FILIP1L: variants seen among roughly 807,000 people sequenced by gnomAD.
FILIP1L encodes the protein filamin A interacting protein 1 like, also known as filamin A-interacting protein 1-like.
A neutral mutation model predicts 96.6 loss-of-function variants in FILIP1L; 55 were observed. The observed-to-expected ratio is 0.57, with a 90% CI of 0.46 to 0.71. FILIP1L has a LOEUF of 0.71. Ranked by LOEUF, FILIP1L falls within the 30% of genes least tolerant of loss-of-function variation. FILIP1L has a pLI of 0.00. For synonymous variants in FILIP1L, 467 were observed against 473.9 expected, an observed-to-expected ratio of 0.99 and a Z score of 0.19; for missense variants, 1,304 against 1,321.2, an observed-to-expected ratio of 0.99 and a Z score of 0.20.
chr3:99,956,910 C>T lies in FILIP1L; in HGVS notation c.-10-25880G>A, dbSNP rs778168136. On this transcript the variant is annotated intron_variant, in intron 1 of 5. Transcript: ENST00000477258. The stretch of plus-strand genomic sequence containing the variant: ...CCCCGACTTACAGTCCAGCTTCTGC[C>T]CTCACCAATGGCTTCCTAATTTCCA... Among the ~76,000 whole-genome samples, 49 of 152,096 alleles carry T rather than the reference C, an allele frequency of 3.2e-4. 1 individual carries two copies. The highest frequency in any genetic ancestry group is 1.2e-3 in the Admixed American group (18 of 15,270).
rs118001102 is a variant in FILIP1L at position 100,097,246 on chromosome 3, A to G, written c.-11+16807T>C. On this transcript the variant is annotated intron_variant, in intron 1 of 5. Transcript: ENST00000477258. ...CAGTTTCATCCCCAAACCACCAACC[A>G]TCCCATCCGTGGAAAAATTGTCTTC... 5.1e-4 allele frequency among the ~76,000 whole-genome samples: 78 copies of G among 152,318 alleles called. 2 individuals are homozygous for G. In the East Asian group the frequency reaches 0.015, roughly 29 times the overall value.
intron 1 of FILIP1L, among the ~76,000 whole-genome samples, chr3:99,994,078 G>A: frequency 6.6e-6 from 1 of 152,172 alleles, no homozygotes; most frequent in Non-Finnish European, 1.5e-5. Flanking sequence ...GAATTCAGCT[G>A]TGAATCCATT....
intron 5 of FILIP1L, among the ~76,000 whole-genome samples, chr3:99,832,231 CTTTT>C (rs577849748): frequency 2.9e-5 from 4 of 138,146 alleles, no homozygotes; most frequent in East Asian, 2.1e-4. Flanking sequence ...ATTCCTAAAT[CTTTT>C]TTTTTTTTTT....
Position 100,056,776 on chromosome 3 carries a change from G to A in FILIP1L, c.-11+57277C>T, listed in dbSNP as rs180944981. 4.1e-3 allele frequency among the ~76,000 whole-genome samples: 619 copies of A among 151,306 alleles called. 9 individuals are homozygous for A. Among genetic ancestry groups the A allele is most frequent in the African/African-American group, 0.013 (551 of 41,282 alleles). On this transcript the variant is annotated intron_variant, in intron 1 of 5. Transcript: ENST00000477258. ...GCCCTTTGGGAGGCCAAGGCAGGCC[G>A]GGCGGATCACGAGGTCAGGAGATCG...
intron 4 of FILIP1L, among the ~76,000 whole-genome samples, chr3:99,869,565 C>A (rs1366104062): frequency 2.6e-5 from 4 of 152,184 alleles, no homozygotes; most frequent in Non-Finnish European, 5.9e-5. Flanking sequence ...GACTAAGGGA[C>A]TTCCACAATA....
intron 1 of FILIP1L, among the ~76,000 whole-genome samples, chr3:99,991,258 G>A (rs900523398): frequency 6.6e-6 from 1 of 152,120 alleles, no homozygotes; most frequent in African/African-American, 2.4e-5. Context: ...ATTTCAAATG[G>A]CTGATCTACC....
chr3:99,903,424 G>A (rs879841758), intron 4 of FILIP1L, among the ~76,000 whole-genome samples: 2 of 152,124 alleles, frequency 1.3e-5, no homozygotes, highest in Admixed American at 1.3e-4. Context: ...GCTAATTTTT[G>A]TATTTTTAGT....
intron 1 of FILIP1L, among the ~76,000 whole-genome samples, chr3:99,958,203 C>CATT (rs71688408): frequency 0.073 from 9,692 of 132,594 alleles, 420 homozygotes; most frequent in African/African-American, 0.11. Context: ...GCCCTGCATG[C>CATT]ATTATTATTA....
In FILIP1L at chr3:99,849,199, T is replaced by C; in HGVS notation, c.2477A>G (p.Gln826Arg). The C allele has an allele frequency of 6.2e-7, 1 of 1,614,156 alleles. No homozygotes were observed. Among genetic ancestry groups the C allele is most frequent in the Admixed American group, 1.7e-5 (1 of 60,024 alleles). The part of the protein sequence containing the change: ...IPLERAVING[Q>R]LYEESENQDE... ...TTGATTCTCACTCTCCTCATATAACTGACCATTGATGACTGCACGTTCCAG... is the reference window on the plus strand; with the variant it reads ...TTGATTCTCACTCTCCTCATATAACCGACCATTGATGACTGCACGTTCCAG... Residue 826 changes from glutamine (Q) to arginine (R), a missense_variant, in exon 5 of 6, where the codon CAG becomes CGG. Gln to Arg is a conservative substitution (Grantham distance 43). Coordinates refer to ENST00000477258, the MANE Select transcript of FILIP1L (RefSeq NM_001387850.1).
chr3:100,018,494 A>G (rs1047876033), intron 1 of FILIP1L, among the ~76,000 whole-genome samples: 1 of 152,168 alleles, frequency 6.6e-6, no homozygotes, highest in African/African-American at 2.4e-5. Flanking sequence ...ATGGAAATGG[A>G]TAGCCACATG....
intron 1 of FILIP1L, chr3:100,010,212 A>G (rs1710103169): frequency 2.7e-6 from 2 of 746,542 alleles, no homozygotes. Flanking sequence ...CAAATGATGT[A>G]AACTGTCATT....
intron 1 of FILIP1L, among the ~76,000 whole-genome samples, chr3:100,113,005 T>C (rs908347230): frequency 6.6e-6 from 1 of 152,266 alleles, no homozygotes; most frequent in Non-Finnish European, 1.5e-5. Context: ...GCATTCTCTC[T>C]AGTATTAACT....
chr3:100,007,488 C>A (rs1233835742), intron 1 of FILIP1L, among the ~76,000 whole-genome samples: 1 of 152,000 alleles, frequency 6.6e-6, no homozygotes, highest in East Asian at 1.9e-4. Flanking sequence ...GAAATCAAAT[C>A]ATGAAAGATG....
chr3:100,110,140 A>G lies in FILIP1L; in HGVS notation c.-11+3913T>C, dbSNP rs937735450. On this transcript the variant is annotated intron_variant, in intron 1 of 5. Coordinates refer to ENST00000477258, the MANE Select transcript of FILIP1L (RefSeq NM_001387850.1). ...AAGGAAATGCAATAATAAGTTTTAAAAATTTGAACTACTAACTGCACCTGC... is the reference window on the plus strand; with the variant it reads ...AAGGAAATGCAATAATAAGTTTTAAGAATTTGAACTACTAACTGCACCTGC... The G allele has an allele frequency of 2.0e-5, 3 of 152,066 alleles. No homozygotes were observed. In the East Asian group the frequency reaches 5.8e-4, roughly 29 times the overall value. The allele number at this position is 152,066 out of a possible 1,614,324, so 9.4% of individuals were successfully genotyped here.
At chr3:99,959,322 G>A (rs1489240869) in intron 1 of FILIP1L, among the ~76,000 whole-genome samples, 1 of 152,126 alleles carries the variant, frequency 6.6e-6, no homozygotes, top group Non-Finnish European at 1.5e-5. Context: ...GCTAATTTTT[G>A]TATTTTTAGC....
chr3:99,851,600 T>C (rs968499697), intron 4 of FILIP1L, among the ~76,000 whole-genome samples: 2 of 152,246 alleles, frequency 1.3e-5, no homozygotes, highest in African/African-American at 4.8e-5. Flanking sequence ...TGGCACATGG[T>C]AAGCATTTGG....
intron 4 of FILIP1L, among the ~76,000 whole-genome samples, chr3:99,888,238 G>C (rs1264503169): frequency 2.6e-5 from 4 of 152,084 alleles, no homozygotes; most frequent in African/African-American, 9.7e-5. Flanking sequence ...CAGGCATTAT[G>C]TTGTGCACCT....
At position 99,976,298 on chromosome 3, in the gene FILIP1L, C is replaced by G. The variant is rs1708969799; in HGVS notation, c.-10-45268G>C. On this transcript the variant is annotated intron_variant, in intron 1 of 5. Coordinates refer to ENST00000477258, the MANE Select transcript of FILIP1L (RefSeq NM_001387850.1). ...TACTGTGGCCCATATGCTACGCGTT[C>G]CTGCTTATAACCAAATAATTATATA... Among the ~76,000 whole-genome samples, 2 of 152,090 alleles carry G rather than the reference C, an allele frequency of 1.3e-5. 1 individual carries two copies. Among genetic ancestry groups the G allele is most frequent in the Admixed American group, 1.3e-4 (2 of 15,258 alleles).
chr3:100,015,976 T>C (rs1320125454), intron 1 of FILIP1L, among the ~76,000 whole-genome samples: 2 of 152,228 alleles, frequency 1.3e-5, no homozygotes, highest in Non-Finnish European at 2.9e-5. Flanking sequence ...TTTTTAATTT[T>C]TTTATTTTCT....
Sources: allele counts gnomAD v4.1 joint callset (sites outside exome capture counted in the v4.1 genomes callset), GRCh38; gene constraint gnomAD v4.1.1; transcripts MANE v1.5; gene names NCBI Gene and HGNC (gene_info 2026-07-23, HGNC 2026-07-21).